VPS8: variants seen among roughly 807,000 people sequenced by gnomAD.
VPS8 encodes the protein VPS8 subunit of CORVET complex, also known as vacuolar protein sorting-associated protein 8 homolog.
Under a neutral mutation model 216.4 loss-of-function variants are expected in VPS8, and 129 were observed. The ratio of observed to expected loss-of-function variants is 0.60; its 90% CI spans 0.52 to 0.69. The LOEUF is 0.69. Among genes scored for constraint, VPS8 ranks in the 30% least tolerant of loss-of-function variants. The probability of loss-of-function intolerance (pLI) is 0.00; values close to 1 mark genes in which losing one functional copy is unlikely to be tolerated. For synonymous variants in VPS8, 571 were observed against 565.4 expected (o/e 1.01, Z -0.14); for missense variants, 1,531 against 1,683.5 (o/e 0.91, Z 1.59).
intron 42 of VPS8, among the ~76,000 whole-genome samples, chr3:184,986,267 T>C (rs1751053701): frequency 6.6e-6 from 1 of 152,208 alleles, no homozygotes; most frequent in Non-Finnish European, 1.5e-5. Flanking sequence ...AGCATGGTAC[T>C]TTTGGAAAGT....
intron 7 of VPS8, among the ~76,000 whole-genome samples, chr3:184,841,975 A>G (rs1334458700): frequency 3.9e-5 from 6 of 152,276 alleles, no homozygotes; most frequent in South Asian, 4.1e-4. Context: ...AGAATAGATG[A>G]TAATACATAT....
rs1724770507 is a variant in VPS8, at chr3:184,853,940, A to C, written c.905A>C (p.His302Pro). 2 of 1,613,210 alleles carry C rather than the reference A, an allele frequency of 1.2e-6. No individual in the cohort carries two copies. Among genetic ancestry groups the C allele is most frequent in the African/African-American group, 1.3e-5 (1 of 74,924 alleles). The change falls in exon 12 of 48, where the codon CAT (histidine) becomes CCT (proline). Residue 302 changes from histidine to proline, a missense_variant. By Grantham distance (77) the His-to-Pro change is moderately conservative. This residue lies in a region of VPS8 where 1,318 missense variants were observed against 1,468.4 expected (regional missense o/e 0.90). Coordinates refer to ENST00000625842, the MANE Select transcript of VPS8 (RefSeq NM_001009921.3). ...GAAGTCTGCTGTATTGAGCCTCTGCATTCTAAGCCTGAGTTGAAAGATCAT... is the reference window on the plus strand; with the variant it reads ...GAAGTCTGCTGTATTGAGCCTCTGCCTTCTAAGCCTGAGTTGAAAGATCAT... ...KGEVCCIEPLHSKPELKDHPI... is the reference protein window; with the variant it reads ...KGEVCCIEPLPSKPELKDHPI...
chr3:184,966,781 A>T, intron 39 of VPS8, 68 bp downstream of exon 39: 1 of 1,199,018 alleles, frequency 8.3e-7, no homozygotes, highest in Non-Finnish European at 1.2e-6. Flanking sequence ...ATGTTTAATA[A>T]ATTGCATTTA....
intron 13 of VPS8, 124 bp downstream of exon 13, chr3:184,854,297 TC>T: frequency 9.2e-7 from 1 of 1,089,126 alleles, no homozygotes; most frequent in Non-Finnish European, 1.3e-6. Context: ...AAGTCAGTGC[TC>T]CAGAGATCGT....
At chr3:184,889,285 C>G (rs1349665352) in intron 22 of VPS8, among the ~76,000 whole-genome samples, 2 of 152,056 alleles carry the variant, frequency 1.3e-5, no homozygotes, top group African/African-American at 4.8e-5. Context: ...TGTATTGTGT[C>G]AGAAACAAAT....
chr3:184,987,674 A>G (rs944211288), intron 42 of VPS8, among the ~76,000 whole-genome samples: 4 of 152,204 alleles, frequency 2.6e-5, no homozygotes, highest in African/African-American at 9.7e-5. Flanking sequence ...GAAAATTTTC[A>G]GTAAAACAGC....
At chr3:184,893,790 CT>C (rs1732821274) in intron 22 of VPS8, among the ~76,000 whole-genome samples, 1 of 152,142 alleles carries the variant, frequency 6.6e-6, no homozygotes, top group South Asian at 2.1e-4. Context: ...TGTAGTATCA[CT>C]TGAAATACTG....
intron 29 of VPS8, among the ~76,000 whole-genome samples, chr3:184,924,389 C>T (rs766148117): frequency 1.2e-4 from 18 of 152,230 alleles, no homozygotes; most frequent in South Asian, 6.2e-4. Flanking sequence ...CGGTGGCACA[C>T]GCCTGTAGTC....
At chr3:184,828,350 G>T (rs1281615388) in intron 3 of VPS8, among the ~76,000 whole-genome samples, 3 of 152,222 alleles carry the variant, frequency 2.0e-5, no homozygotes, top group African/African-American at 7.2e-5. Flanking sequence ...TGTTGGCCAG[G>T]CTGGTCTCAA....
At chr3:184,984,183 C>CA (rs1453935100) in intron 42 of VPS8, among the ~76,000 whole-genome samples, 1 of 2,878 alleles carries the variant, frequency 3.5e-4, no homozygotes, top group African/African-American at 2.3e-3. Flanking sequence ...GACTCCGTCT[C>CA]AAAAAAAAAA....
At chr3:184,886,556 C>T (rs1731298045) in intron 22 of VPS8, among the ~76,000 whole-genome samples, 1 of 151,426 alleles carries the variant, frequency 6.6e-6, no homozygotes. Context: ...TACACACACA[C>T]ACACATTCTT....
intron 45 of VPS8, among the ~76,000 whole-genome samples, chr3:185,016,773 A>G (rs1358543952): frequency 2.6e-5 from 4 of 152,152 alleles, no homozygotes; most frequent in Non-Finnish European, 4.4e-5. Context: ...TTCCAAGGGG[A>G]AAATGTTGGA....
intron 45 of VPS8, among the ~76,000 whole-genome samples, chr3:185,000,190 C>T (rs1474790383): frequency 1.3e-5 from 2 of 152,308 alleles, no homozygotes; most frequent in South Asian, 2.1e-4. Context: ...TGAGTACTTG[C>T]AGGTACCAAT....
intron 45 of VPS8, among the ~76,000 whole-genome samples, chr3:185,005,913 G>A (rs716641): frequency 0.042 from 6,349 of 152,074 alleles, 144 homozygotes; most frequent in African/African-American, 0.054. Flanking sequence ...TGATTGCTGT[G>A]GCCAGGACTT....
intron 45 of VPS8, among the ~76,000 whole-genome samples, chr3:185,023,281 T>A (rs149893470): frequency 1.8e-4 from 27 of 152,348 alleles, no homozygotes; most frequent in African/African-American, 6.5e-4. Flanking sequence ...CATGATTGCA[T>A]CATGTATTTT....
chr3:185,026,184 A>G (rs185924953), intron 46 of VPS8, among the ~76,000 whole-genome samples: 6 of 152,214 alleles, frequency 3.9e-5, no homozygotes, highest in South Asian at 2.1e-4. Flanking sequence ...TATATGGGGG[A>G]AAAATGATAA....
rs372887189 is a variant in VPS8 at position 184,854,097 on chromosome 3, A to G, written c.976-17A>G. On this transcript the variant is annotated splice_polypyrimidine_tract_variant and intron_variant, in intron 12 of 47. Transcript: ENST00000625842. ...AAATTCCAAGGTCAATATTGAAAACATATTTTTCTCTTACAGATACTGGTC... is the reference window on the plus strand; with the variant it reads ...AAATTCCAAGGTCAATATTGAAAACGTATTTTTCTCTTACAGATACTGGTC... The G allele has an allele frequency of 1.9e-5, 31 of 1,613,608 alleles. No homozygotes were observed. The highest frequency in any genetic ancestry group is 1.9e-4 in the South Asian group (17 of 91,054).
At chr3:184,857,810 C>T (rs1013204919) in intron 14 of VPS8, among the ~76,000 whole-genome samples, 10 of 152,102 alleles carry the variant, frequency 6.6e-5, no homozygotes, top group Admixed American at 3.9e-4. Flanking sequence ...ACCATATATT[C>T]TCGGGAAACT....
chr3:184,873,295 T>A (rs906024458), intron 21 of VPS8, among the ~76,000 whole-genome samples: 20 of 152,104 alleles, frequency 1.3e-4, no homozygotes, highest in African/African-American at 4.8e-4. Flanking sequence ...TCTTAGCTAA[T>A]CATTGTATTA....
Sources: allele counts gnomAD v4.1 joint callset (sites outside exome capture counted in the v4.1 genomes callset), GRCh38; gene constraint gnomAD v4.1.1; regional missense constraint gnomAD v4.1.1; transcripts MANE v1.5; gene names NCBI Gene and HGNC (gene_info 2026-07-23, HGNC 2026-07-21).